CHTF8: variants seen among roughly 807,000 people sequenced by gnomAD.
CHTF8 encodes chromosome transmission fidelity protein 8 homolog.
CHTF8 carries 6 observed loss-of-function variants against 11.0 expected under a neutral mutation model. That is an observed-to-expected ratio of 0.55 (90% confidence interval 0.30 to 1.08). CHTF8 has a LOEUF of 1.08. Ranked by LOEUF, CHTF8 falls within the 50% of genes least tolerant of loss-of-function variation. The pLI is 0.07. For missense variants in CHTF8, 140 were observed against 153.1 expected (o/e 0.91, Z 0.45); for synonymous variants, 53 against 60.5 (o/e 0.88, Z 0.57).
In CHTF8 at chr16:69,121,154, G is replaced by C; in HGVS notation, c.40C>G (p.Leu14Val). ...AGCTCCATCAGCACCCATTCTGCCA[G>C]GCCTCCAGCCCTCGCACTGCAAGCA... is the stretch of plus-strand genomic sequence containing the variant. ...IVISSARAGG[L>V]AEWVLMELQG... is the part of the protein sequence containing the mutation. Residue 14 changes from leucine (L) to valine (V), a missense_variant, in exon 3 of 4, where the codon CTG (leucine) becomes GTG (valine). Coordinates refer to ENST00000448552, the MANE Select transcript of CHTF8 (RefSeq NM_001039690.5). 1 of 1,613,112 alleles carries C rather than the reference G, an allele frequency of 6.2e-7. No homozygotes were observed. The highest frequency in any genetic ancestry group is 8.5e-7 in the Non-Finnish European group (1 of 1,179,918).
rs1232733755 is a variant in CHTF8 at position 69,118,562 on chromosome 16, G to A, written c.*1863C>T. 2.5e-6 allele frequency: 2 copies of A among 787,914 alleles called. No homozygotes were observed. The highest frequency in any genetic ancestry group is 3.4e-5 in the African/African-American group (2 of 58,784). The allele number at this position is 787,914 out of a possible 1,614,324, so 48.8% of individuals were successfully genotyped here. A position where few individuals can be genotyped will look rare whatever the true frequency, so the allele number is the denominator to read the frequency against. Reference sequence around the variant, plus strand: ...TCCACAAGAACAATTCAAGAAACTAGTAAGAAACAATGGGCAGAAAGCTGT... The same window carrying A: ...TCCACAAGAACAATTCAAGAAACTAATAAGAAACAATGGGCAGAAAGCTGT... On this transcript the variant is annotated 3_prime_UTR_variant, in exon 4 of 4. Transcript: ENST00000448552.
At chr16:69,121,271 G>A (rs1961633780) in intron 2 of CHTF8, 101 bp from the exon 3 acceptor site, 1 of 1,309,562 alleles carries the variant, frequency 7.6e-7, no homozygotes, top group African/African-American at 1.5e-5. Context: ...TTTGTTGGAT[G>A]TCAAGTTCTT....
At chr16:69,121,636 G>C (rs941988654) in intron 1 of CHTF8, 143 bp from the exon 2 acceptor site, 1 of 529,030 alleles carries the variant, frequency 1.9e-6, no homozygotes, top group African/African-American at 2.0e-5. Flanking sequence ...CACCACTATG[G>C]CCAGCTAACT....
rs1237812656 is a variant in CHTF8 at position 69,120,265 on chromosome 16, G to C, written c.*160C>G. On this transcript the variant is annotated 3_prime_UTR_variant, in exon 4 of 4. Coordinates refer to ENST00000448552, the MANE Select transcript of CHTF8 (RefSeq NM_001039690.5). This position sits in a 1 kb window ranked among gnomAD's most constrained non-coding sequence, Gnocchi z 4.0. ...GGTCAGATTTCCACCAAGAGAACCG[G>C]CCGCCATAAGGAAGGGATCCGAGTT... The C allele has an allele frequency of 1.4e-6, 1 of 732,096 alleles. No homozygotes were observed. Among genetic ancestry groups the C allele is most frequent in the Non-Finnish European group, 2.5e-6 (1 of 407,246 alleles). 45.4% of individuals were successfully genotyped at this position (732,096 alleles called of 1,614,324 possible).
In CHTF8 at chr16:69,120,002, A is replaced by G. The variant is rs1156504347; in HGVS notation, c.*423T>C. 1.4e-6 allele frequency: 1 copy of G among 694,332 alleles called. No homozygotes were observed. The highest frequency in any genetic ancestry group is 2.0e-5 in the Admixed American group (1 of 49,222). 43.0% of individuals were successfully genotyped at this position (694,332 alleles called of 1,614,324 possible). On this transcript the variant is annotated 3_prime_UTR_variant, in exon 4 of 4. Coordinates refer to ENST00000448552, the MANE Select transcript of CHTF8 (RefSeq NM_001039690.5). The surrounding 1 kb of genome is among the most constrained non-coding windows in gnomAD (Gnocchi z 4.0). Reference sequence around the variant, plus strand: ...GGGAGACCCCCTAACCTGGGGTTAGACAGAGGCCCTGGGCCTGGCAGAGCC... The same window carrying G: ...GGGAGACCCCCTAACCTGGGGTTAGGCAGAGGCCCTGGGCCTGGCAGAGCC...
intron 1 of CHTF8, among the ~76,000 whole-genome samples, chr16:69,122,564 G>A (rs915463288): frequency 6.8e-5 from 10 of 147,230 alleles, no homozygotes; most frequent in African/African-American, 2.3e-4. Context: ...TTTTTGGGAG[G>A]GAGTCTCACT....
intron 1 of CHTF8, among the ~76,000 whole-genome samples, chr16:69,131,800 C>G (rs1962544390): frequency 6.6e-6 from 1 of 151,768 alleles, no homozygotes; most frequent in African/African-American, 2.4e-5. Context: ...TCCCGGTTCT[C>G]AAGTACTCCA....
chr16:69,118,504 G>T lies in CHTF8; in HGVS notation c.*1921C>A, dbSNP rs2152263806. The T allele has an allele frequency of 8.7e-7, 1 of 1,152,156 alleles. No homozygotes were observed. Among genetic ancestry groups the T allele is most frequent in the South Asian group, 1.2e-5 (1 of 82,000 alleles). The allele number at this position is 1,152,156 out of a possible 1,614,324, so 71.4% of individuals were successfully genotyped here. ...TGAGCAGGGGACTACATGTGAACTG[G>T]GACCTGCAGGCCAATGTATCCCTGA... On this transcript the variant is annotated 3_prime_UTR_variant, in exon 4 of 4. Transcript: ENST00000448552.
chr16:69,119,408 T>A lies in CHTF8; in HGVS notation c.*1017A>T, dbSNP rs776154872. The stretch of plus-strand genomic sequence containing the variant: ...GAGAAATGAGCTGAATTAGGGCCTA[T>A]GGGGCCAGGAGCCCTTGACATGGGA... On this transcript the variant is annotated 3_prime_UTR_variant, in exon 4 of 4. Transcript: ENST00000448552. 2.8e-6 allele frequency: 2 copies of A among 702,830 alleles called. No individual in the cohort carries two copies. The highest frequency in any genetic ancestry group is 5.2e-6 in the Non-Finnish European group (2 of 384,960). 43.5% of individuals were successfully genotyped at this position (702,830 alleles called of 1,614,324 possible). A position where few individuals can be genotyped will look rare whatever the true frequency, so the allele number is the denominator to read the frequency against.
rs10220971 is a variant in CHTF8 at position 69,125,211 on chromosome 16, T to C, written c.-35-3718A>G. Among the ~76,000 whole-genome samples the C allele has an allele frequency of 7.6e-3, 1,162 of 152,306 alleles. 16 individuals are homozygous for C. The highest frequency in any genetic ancestry group is 0.025 in the African/African-American group (1,045 of 41,572). Reference sequence around the variant, plus strand: ...GAGTCATTGCGCCCGGCCAACTCACTAGACTTTTTAAATTCAAATATAAGT... The same window carrying C: ...GAGTCATTGCGCCCGGCCAACTCACCAGACTTTTTAAATTCAAATATAAGT... On this transcript the variant is annotated intron_variant, in intron 1 of 3. Transcript: ENST00000448552.
At position 69,119,282 on chromosome 16, in the gene CHTF8, C is replaced by T. The variant is rs761793241; in HGVS notation, c.*1143G>A. ...AGGCCAGCGGACCTTTGGAAGGTAG[C>T]TGGGTTTGATGCCAATGTGCCAGAA... On this transcript the variant is annotated 3_prime_UTR_variant, in exon 4 of 4. Coordinates refer to ENST00000448552, the MANE Select transcript of CHTF8 (RefSeq NM_001039690.5). The T allele has an allele frequency of 4.3e-6, 3 of 703,078 alleles. No homozygotes were observed. The East Asian group carries it at 8.0e-5, about 19-fold the overall frequency. 43.6% of individuals were successfully genotyped at this position (703,078 alleles called of 1,614,324 possible). A position where few individuals can be genotyped will look rare whatever the true frequency, so the allele number is the denominator to read the frequency against.
Position 69,118,939 on chromosome 16 carries a change from C to G in CHTF8, c.*1486G>C, listed in dbSNP as rs1279814152. 3 of 702,948 alleles carry G rather than the reference C, an allele frequency of 4.3e-6. No homozygotes were observed. The highest frequency in any genetic ancestry group is 7.8e-6 in the Non-Finnish European group (3 of 385,042). The allele number at this position is 702,948 out of a possible 1,614,324, so 43.5% of individuals were successfully genotyped here. A position where few individuals can be genotyped will look rare whatever the true frequency, so the allele number is the denominator to read the frequency against. Reference sequence around the variant, plus strand: ...AGCAGCTGGGTTTGTGCCAGGGAGGCTCCCCACTCTAGGAAATGGGACGAA... The same window carrying G: ...AGCAGCTGGGTTTGTGCCAGGGAGGGTCCCCACTCTAGGAAATGGGACGAA... On this transcript the variant is annotated 3_prime_UTR_variant, in exon 4 of 4. Coordinates refer to ENST00000448552, the MANE Select transcript of CHTF8 (RefSeq NM_001039690.5).
chr16:69,126,402 C>G (rs1028241263), intron 1 of CHTF8, among the ~76,000 whole-genome samples: 3 of 152,230 alleles, frequency 2.0e-5, no homozygotes, highest in African/African-American at 7.2e-5. Flanking sequence ...GCTGTACTTG[C>G]ATACCAATCC....
In CHTF8 at chr16:69,118,996, A is replaced by C; in HGVS notation, c.*1429T>G. On this transcript the variant is annotated 3_prime_UTR_variant, in exon 4 of 4. Transcript: ENST00000448552. ...GCCTGCAGGGCCATTCATCCTTGGAAAGGAAGCTGGGTTGAGACCCAGGGT... is the reference window on the plus strand; with the variant it reads ...GCCTGCAGGGCCATTCATCCTTGGACAGGAAGCTGGGTTGAGACCCAGGGT... 1 of 703,046 alleles carries C rather than the reference A, an allele frequency of 1.4e-6. No individual in the cohort carries two copies. 43.6% of individuals were successfully genotyped at this position (703,046 alleles called of 1,614,324 possible). A position where few individuals can be genotyped will look rare whatever the true frequency, so the allele number is the denominator to read the frequency against.
intron 1 of CHTF8, among the ~76,000 whole-genome samples, chr16:69,123,994 C>T (rs1961878017): frequency 1.3e-5 from 2 of 148,846 alleles, no homozygotes. Flanking sequence ...GTTCCAGCTA[C>T]TTGGGAGGCT....
Position 69,120,500 on chromosome 16 carries a change from T to C in CHTF8, c.291A>G (p.Thr97=), listed in dbSNP as rs201305381. The change falls in exon 4 of 4, where the codon ACA becomes ACG. Residue 97 remains threonine (T), a synonymous_variant. Transcript: ENST00000448552. This position sits in a 1 kb window ranked among gnomAD's most constrained non-coding sequence, Gnocchi z 4.0. ...AAAGGATCTTGTCTTTGATGAGTGC[T>C]GTCACCAGGTACCGGGTGCCAGTCT... The part of the protein sequence containing the change: ...GRETGTRYLV[T]ALIKDKILFK... 2 of 1,614,030 alleles carry C rather than the reference T, an allele frequency of 1.2e-6. No individual in the cohort carries two copies. Among genetic ancestry groups the C allele is most frequent in the Non-Finnish European group, 1.7e-6 (2 of 1,180,028 alleles).
chr16:69,122,373 T>A (rs1036256733), intron 1 of CHTF8, among the ~76,000 whole-genome samples: 5 of 151,868 alleles, frequency 3.3e-5, no homozygotes, highest in Non-Finnish European at 5.9e-5. Flanking sequence ...TTCTTTTTTT[T>A]TTTTTTTTCT....
intron 1 of CHTF8, among the ~76,000 whole-genome samples, chr16:69,124,821 T>C (rs1387814095): frequency 6.6e-6 from 1 of 152,196 alleles, no homozygotes; most frequent in African/African-American, 2.4e-5. Flanking sequence ...TACTGGTATG[T>C]TAATCTTCCT....
At chr16:69,124,887 G>A (rs1294047769) in intron 1 of CHTF8, among the ~76,000 whole-genome samples, 1 of 151,836 alleles carries the variant, frequency 6.6e-6, no homozygotes, top group Non-Finnish European at 1.5e-5. Flanking sequence ...AACACTTTGG[G>A]AACATGAAAT....
Sources: allele counts gnomAD v4.1 joint callset (sites outside exome capture counted in the v4.1 genomes callset), GRCh38; gene constraint gnomAD v4.1.1; non-coding constraint Gnocchi (gnomAD v3.1); transcripts MANE v1.5; gene names NCBI Gene and HGNC (gene_info 2026-07-23, HGNC 2026-07-21).